The following CCDC141 variants were observed in gnomAD, a reference collection of about 807,000 sequenced individuals.
CCDC141 encodes the protein coiled-coil domain containing 141.
CCDC141 carries 168 observed loss-of-function variants against 181.0 expected under a neutral mutation model. That is an observed-to-expected ratio of 0.93 (90% CI 0.82 to 1.05). The LOEUF is 1.05. Ranked by LOEUF, CCDC141 falls within the 50% of genes least tolerant of loss-of-function variation. CCDC141 has a pLI of 0.00. For missense variants in CCDC141, 1,902 were observed against 1,788.5 expected, an observed-to-expected ratio of 1.06 and a Z score of -1.14; for synonymous variants, 666 against 642.3, an observed-to-expected ratio of 1.04 and a Z score of -0.56.
At chr2:178,985,003 T>C (rs58609501) in intron 2 of CCDC141, among the ~76,000 whole-genome samples, 1,655 of 148,188 alleles carry the variant, frequency 0.011, 29 homozygotes, top group African/African-American at 0.04. Flanking sequence ...CCCAAATCAA[T>C]AGAATATACA....
chr2:178,838,252 A>T (rs1349038594), intron 22 of CCDC141, among the ~76,000 whole-genome samples: 1 of 152,250 alleles, frequency 6.6e-6, no homozygotes, highest in African/African-American at 2.4e-5. Context: ...TGAAATATAC[A>T]TAAAATGTAC....
intron 6 of CCDC141, among the ~76,000 whole-genome samples, chr2:178,936,186 A>G (rs1020408016): frequency 1.3e-5 from 2 of 152,104 alleles, no homozygotes; most frequent in Non-Finnish European, 2.9e-5. Context: ...TATGTCTAGG[A>G]TGATATTGCC....
At chr2:178,880,586 A>G (rs1311682141) in intron 11 of CCDC141, among the ~76,000 whole-genome samples, 1 of 152,206 alleles carries the variant, frequency 6.6e-6, no homozygotes, top group Non-Finnish European at 1.5e-5. Context: ...GGCCTTTGAA[A>G]TAGAAAAAAC....
chr2:178,821,086 A>G, the CCDC141 span, among the ~76,000 whole-genome samples: 1 of 144,908 alleles, frequency 6.9e-6, no homozygotes, highest in South Asian at 2.4e-4. Context: ...ACATAGGAAT[A>G]AATTTTTCAT....
At chr2:178,875,491 G>A (rs1026255530) in intron 12 of CCDC141, 1 of 151,956 alleles carries the variant, frequency 6.6e-6, no homozygotes, top group Non-Finnish European at 1.5e-5. Flanking sequence ...CTTGAACCCA[G>A]GAGCTGGAGG....
chr2:178,881,089 C>G (rs1686583407), intron 11 of CCDC141, among the ~76,000 whole-genome samples: 1 of 152,098 alleles, frequency 6.6e-6, no homozygotes. Flanking sequence ...AGGGCACAGG[C>G]AAGAATTCTA....
At chr2:178,979,375 A>C (rs1691266104) in intron 2 of CCDC141, among the ~76,000 whole-genome samples, 1 of 152,170 alleles carries the variant, frequency 6.6e-6, no homozygotes, top group South Asian at 2.1e-4. Context: ...ATATCAACAT[A>C]AAAAGGAACT....
At chr2:178,913,842 T>G (rs542002580) in intron 7 of CCDC141, among the ~76,000 whole-genome samples, 3 of 152,320 alleles carry the variant, frequency 2.0e-5, no homozygotes, top group African/African-American at 7.2e-5. Flanking sequence ...CTGCTTGCTT[T>G]CTTCAATGAA....
intron 5 of CCDC141, among the ~76,000 whole-genome samples, chr2:178,959,528 G>A (rs965984590): frequency 6.6e-5 from 10 of 152,126 alleles, no homozygotes; most frequent in Admixed American, 4.6e-4. Flanking sequence ...TTCGTGTCCT[G>A]AGGATTAATT....
intron 12 of CCDC141, chr2:178,875,981 A>G (rs1686343161): frequency 6.6e-6 from 1 of 152,068 alleles, no homozygotes; most frequent in Non-Finnish European, 1.5e-5. Context: ...TTTTTGCAGT[A>G]AAGCACCTAG....
chr2:178,865,790 C>G lies in CCDC141; in HGVS notation c.2701G>C (p.Ala901Pro), dbSNP rs139607358. The G allele has an allele frequency of 1.9e-6, 3 of 1,578,048 alleles. No individual in the cohort carries two copies. In the East Asian group the frequency reaches 6.9e-5, roughly 36 times the overall value. ...RTLSRSVEYC[A>P]MRDEINELKD... ...ACCTCATTTATCTCGTCTCTCATGGCGCAGTACTCCACACTACGGGACAGG... is the reference window on the plus strand; with the variant it reads ...ACCTCATTTATCTCGTCTCTCATGGGGCAGTACTCCACACTACGGGACAGG... The change falls in exon 17 of 24, where the codon GCC becomes CCC. Residue 901 changes from alanine (A) to proline (P), a missense_variant. Physicochemically the swap from Ala to Pro is conservative, Grantham distance 27. Transcript: ENST00000443758.
Position 178,865,808 on chromosome 2 carries a change from G to C in CCDC141, c.2683C>G (p.Arg895Gly), listed in dbSNP as rs773233344. The change falls in exon 17 of 24, where the codon CGT becomes GGT. Residue 895 changes from arginine (R) to glycine (G), a missense_variant. Transcript: ENST00000443758. ...CTCATGGCGCAGTACTCCACACTAC[G>C]GGACAGGGTCCGTCCATACTCCTCA... ...KAEEYGRTLSRSVEYCAMRDE... is the reference protein window; with the variant it reads ...KAEEYGRTLSGSVEYCAMRDE... 1.2e-6 allele frequency: 2 copies of C among 1,601,674 alleles called. No individual in the cohort carries two copies. Among genetic ancestry groups the C allele is most frequent in the Non-Finnish European group, 1.7e-6 (2 of 1,174,122 alleles).
Position 178,856,489 on chromosome 2 carries a change from A to T in CCDC141, c.2725-92T>A, listed in dbSNP as rs960283308. 18 of 900,768 alleles carry T rather than the reference A, an allele frequency of 2.0e-5. No homozygotes were observed. In the African/African-American group the frequency reaches 2.8e-4, roughly 14 times the overall value. 55.8% of individuals were successfully genotyped at this position (900,768 alleles called of 1,614,324 possible). A position where few individuals can be genotyped will look rare whatever the true frequency, so the allele number is the denominator to read the frequency against. On this transcript the variant is annotated intron_variant, in intron 17 of 23. Coordinates refer to ENST00000443758, the MANE Select transcript of CCDC141 (RefSeq NM_173648.4). ...TCAAAGCATCTGAACACTTCAAAATACTCATAATCTTAAAAAGGTATTTAG... is the reference window on the plus strand; with the variant it reads ...TCAAAGCATCTGAACACTTCAAAATTCTCATAATCTTAAAAAGGTATTTAG...
rs532923077 is a variant in CCDC141, at chr2:179,027,337, G to T, written c.225+19947C>A. 3.9e-4 allele frequency among the ~76,000 whole-genome samples: 60 copies of T among 152,172 alleles called. 1 individual carries two copies. The South Asian group carries it at 0.012, about 30-fold the overall frequency. On this transcript the variant is annotated intron_variant, in intron 2 of 23. Transcript: ENST00000443758. ...GATAGTGAATGAGTCTCATGAGATT[G>T]GATGCTTTTAAAAATGAGAGTTTCC...
intron 2 of CCDC141, chr2:179,002,562 C>G (rs2042015446): frequency 9.3e-6 from 3 of 321,954 alleles, no homozygotes; most frequent in Non-Finnish European, 1.8e-5. Flanking sequence ...AGCCTAGGAC[C>G]AACACACCCA....
chr2:179,040,228 T>C (rs1322265457), intron 2 of CCDC141, among the ~76,000 whole-genome samples: 1 of 152,218 alleles, frequency 6.6e-6, no homozygotes, highest in East Asian at 1.9e-4. Flanking sequence ...TGTTCCCTCA[T>C]TTTAAAGATA....
At chr2:179,013,412 T>A (rs564519925) in intron 2 of CCDC141, among the ~76,000 whole-genome samples, 21 of 150,984 alleles carry the variant, frequency 1.4e-4, no homozygotes, top group Non-Finnish European at 3.0e-5. Context: ...AACCAAGGAG[T>A]CAAAAGACCA....
intron 2 of CCDC141, among the ~76,000 whole-genome samples, chr2:179,044,885 C>G (rs560755456): frequency 6.6e-6 from 1 of 152,166 alleles, no homozygotes; most frequent in Non-Finnish European, 1.5e-5. Flanking sequence ...TTAGCCAAAT[C>G]ACACTAGTTT....
chr2:178,907,542 T>TAC (rs1688025085), intron 7 of CCDC141, among the ~76,000 whole-genome samples: 1 of 152,240 alleles, frequency 6.6e-6, no homozygotes, highest in Non-Finnish European at 1.5e-5. Flanking sequence ...TTAGAAAAGA[T>TAC]ACAGAGAAAG....
Sources: allele counts gnomAD v4.1 joint callset (sites outside exome capture counted in the v4.1 genomes callset), GRCh38; gene constraint gnomAD v4.1.1; transcripts MANE v1.5; gene names NCBI Gene and HGNC (gene_info 2026-07-23, HGNC 2026-07-21).